Variants in NEXN observed in about 807,000 individuals in gnomAD.
The protein encoded by NEXN is nexilin.
Under a neutral mutation model 92.6 loss-of-function variants are expected in NEXN, and 65 were observed. The observed-to-expected ratio is 0.70, with a 90% CI of 0.57 to 0.86. The LOEUF is 0.86. NEXN is among the 40% of genes least tolerant of loss of function. NEXN has a pLI of 0.00. For missense variants in NEXN, 778 were observed against 771.1 expected, an observed-to-expected ratio of 1.01 and a Z score of -0.11; for synonymous variants, 254 against 242.5, an observed-to-expected ratio of 1.05 and a Z score of -0.44.
intron 2 of NEXN, 133 bp from the exon 3 acceptor site, chr1:77,917,433 A>G (rs1175735608): frequency 4.3e-6 from 3 of 701,084 alleles, no homozygotes; most frequent in Non-Finnish European, 7.3e-6. Context: ...TGATGGTCAA[A>G]TAAAGGGTTC....
At chr1:77,940,810 A>T (rs191005556) in intron 11 of NEXN, among the ~76,000 whole-genome samples, 78 of 152,108 alleles carry the variant, frequency 5.1e-4, no homozygotes, top group African/African-American at 1.2e-3. Context: ...ATAATTTTTT[A>T]AAAAATGCTG....
chr1:77,929,375 T>G lies in NEXN; in HGVS notation c.924T>G (p.Gly308=). Residue 308 remains glycine, a synonymous_variant, in exon 9 of 13, where the codon GGT becomes GGG. Transcript: ENST00000334785. ...TAKIFKGYRP[G]KLKLSFEEME... ...AAATTTTTAAAGGGTACCGCCCTGG[T>G]AAACTCAAACTCAGTTTTGAAGAAA... The G allele has an allele frequency of 3.7e-6, 6 of 1,613,810 alleles. No homozygotes were observed. The highest frequency in any genetic ancestry group is 5.1e-6 in the Non-Finnish European group (6 of 1,179,930).
chr1:77,901,353 T>C (rs907390968), intron 1 of NEXN, among the ~76,000 whole-genome samples: 5 of 152,228 alleles, frequency 3.3e-5, no homozygotes, highest in African/African-American at 1.2e-4. Flanking sequence ...TAATTATTTT[T>C]ATGTTTATAA....
In NEXN at chr1:77,926,552, A is replaced by G. The variant is rs1314006959; in HGVS notation, c.628A>G (p.Ile210Val). The change falls in exon 7 of 13, where the codon ATA (isoleucine) becomes GTA (valine). Residue 210 changes from isoleucine to valine, a missense_variant. By Grantham distance (29) the Ile-to-Val change is conservative. This residue lies in a region of NEXN where 236 missense variants were observed against 265.6 expected (regional missense o/e 0.89). Coordinates refer to ENST00000334785, the MANE Select transcript of NEXN (RefSeq NM_144573.4). ...GATCAAGTACGAGGAAGATAAAAGA[A>G]TAAGATATGAAGAACAACGACCATC... ...ERIKYEEDKR[I>V]RYEEQRPSLK... 4.3e-6 allele frequency: 7 copies of G among 1,613,938 alleles called. No homozygotes were observed. The highest frequency in any genetic ancestry group is 1.7e-4 in the Middle Eastern group (1 of 6,058).
At position 77,933,482 on chromosome 1, in the gene NEXN, A is replaced by C. The variant is rs1471710159; in HGVS notation, c.1251+3A>C. 6.3e-7 allele frequency: 1 copy of C among 1,580,414 alleles called. No homozygotes were observed. Among genetic ancestry groups the C allele is most frequent in the Non-Finnish European group, 8.7e-7 (1 of 1,150,222 alleles). The stretch of plus-strand genomic sequence containing the variant: ...AACTGAGACAGGAAATGGGAGAGGT[A>C]AGATTTTAAGAAATATCTATATTCC... On this transcript the variant is annotated splice_donor_region_variant and intron_variant, in intron 10 of 12. Coordinates refer to ENST00000334785, the MANE Select transcript of NEXN (RefSeq NM_144573.4).
At chr1:77,933,571 C>A in intron 10 of NEXN, 92 bp downstream of exon 10, 1 of 978,468 alleles carries the variant, frequency 1.0e-6, no homozygotes, top group Non-Finnish European at 1.6e-6. Flanking sequence ...TTATTATTCA[C>A]CTTTAGGATA....
intron 11 of NEXN, among the ~76,000 whole-genome samples, chr1:77,938,659 T>C (rs1240032575): frequency 6.6e-6 from 1 of 151,820 alleles, no homozygotes; most frequent in Non-Finnish European, 1.5e-5. Flanking sequence ...CTAAGTACTA[T>C]AATAGAAGTT....
chr1:77,942,538 A>G lies in NEXN; in HGVS notation c.1737A>G (p.Ser579=), dbSNP rs923139433. The G allele has an allele frequency of 2.5e-6, 4 of 1,613,804 alleles. No homozygotes were observed. The highest frequency in any genetic ancestry group is 2.5e-6 in the Non-Finnish European group (3 of 1,179,710). ...STAEDEEQTR[S]GAPWFKKPLK... is the part of the protein sequence containing the mutation. ...CTGAAGATGAAGAGCAAACCAGATCAGGAGCTCCATGGTTCAAGAAGCCTC... is the reference window on the plus strand; with the variant it reads ...CTGAAGATGAAGAGCAAACCAGATCGGGAGCTCCATGGTTCAAGAAGCCTC... The change falls in exon 13 of 13, where the codon TCA becomes TCG. Residue 579 remains serine (S), a synonymous_variant. Transcript: ENST00000334785.
At chr1:77,941,955 T>C in intron 11 of NEXN, 68 bp from the exon 12 acceptor site, 1 of 1,479,912 alleles carries the variant, frequency 6.8e-7, no homozygotes, top group Admixed American at 1.9e-5. Context: ...TAAACACCTT[T>C]AGAACTAGTA....
intron 5 of NEXN, 68 bp downstream of exon 5, chr1:77,918,341 G>GT: frequency 6.7e-7 from 1 of 1,485,844 alleles, no homozygotes; most frequent in Non-Finnish European, 9.4e-7. Context: ...TAATCAGTAT[G>GT]TTGCCTAATT....
At chr1:77,907,942 T>A (rs1410177342) in intron 1 of NEXN, among the ~76,000 whole-genome samples, 1 of 152,118 alleles carries the variant, frequency 6.6e-6, no homozygotes, top group East Asian at 1.9e-4. Flanking sequence ...CCCTTTAGTA[T>A]TACTCTAAAA....
chr1:77,891,681 G>T (rs772082899), intron 1 of NEXN, among the ~76,000 whole-genome samples: 11 of 148,174 alleles, frequency 7.4e-5, no homozygotes, highest in Non-Finnish European at 1.5e-4. Flanking sequence ...TAAGGCTATG[G>T]CAGTCAAAAA....
In NEXN at chr1:77,923,994, TGAG is replaced by T. The variant is rs374168252; in HGVS notation, c.448-1190_448-1188del. ...CCTGGCCAAGCTCTCACTTTTTAAA[TGAG>T]GAGCTTTCCTACTTAGACCTCGTCA... On this transcript the variant is annotated intron_variant, in intron 5 of 12. Coordinates refer to ENST00000334785, the MANE Select transcript of NEXN (RefSeq NM_144573.4). 1.8e-3 allele frequency among the ~76,000 whole-genome samples: 271 copies of T among 152,250 alleles called. 4 individuals are homozygous for T. The Middle Eastern group carries it at 0.02, about 11-fold the overall frequency.
intron 1 of NEXN, among the ~76,000 whole-genome samples, chr1:77,904,183 G>A (rs1457579677): frequency 3.9e-5 from 6 of 151,926 alleles, no homozygotes; most frequent in Non-Finnish European, 7.4e-5. Flanking sequence ...AGTAGGGATG[G>A]TGTTTCACCA....
chr1:77,919,222 A>G (rs1649227869), intron 5 of NEXN, among the ~76,000 whole-genome samples: 1 of 152,196 alleles, frequency 6.6e-6, no homozygotes, highest in Non-Finnish European at 1.5e-5. Context: ...CATCCCCATG[A>G]TTCAAATTAT....
chr1:77,935,723 C>A, intron 10 of NEXN, 100 bp from the exon 11 acceptor site: 1 of 1,013,508 alleles, frequency 9.9e-7, no homozygotes, highest in Non-Finnish European at 1.5e-6. Flanking sequence ...GAAGCTGAGG[C>A]AGGAGGATTG....
chr1:77,931,060 T>C (rs538399450), intron 9 of NEXN, among the ~76,000 whole-genome samples: 1 of 152,184 alleles, frequency 6.6e-6, no homozygotes, highest in South Asian at 2.1e-4. Context: ...ACGTTGTGAA[T>C]GCACTTAATT....
In NEXN at chr1:77,926,845, C is replaced by T. The variant is rs757571525; in HGVS notation, c.817C>T (p.Arg273Cys). 1.5e-5 allele frequency: 24 copies of T among 1,613,734 alleles called. No homozygotes were observed. The highest frequency in any genetic ancestry group is 1.6e-4 in the Middle Eastern group (1 of 6,082). Reference sequence around the variant, plus strand: ...GCAAGCTGAAGAGGAAGCAAGAAAACGTTTAGAAGAAGAGAAGCGTGCTTT... The same window carrying T: ...GCAAGCTGAAGAGGAAGCAAGAAAATGTTTAGAAGAAGAGAAGCGTGCTTT... The part of the protein sequence containing the change: ...KKQAEEEARK[R>C]LEEEKRAFEE... Residue 273 changes from arginine to cysteine, a missense_variant, in exon 8 of 13, where the codon CGT becomes TGT. Physicochemically the swap from Arg to Cys is radical, Grantham distance 180. Around this residue, in one of 3 missense-constraint regions of NEXN, gnomAD observed 532 missense variants for 476.7 expected, o/e 1.12. Coordinates refer to ENST00000334785, the MANE Select transcript of NEXN (RefSeq NM_144573.4).
At chr1:77,926,086 AT>A (rs1649819405) in intron 6 of NEXN, among the ~76,000 whole-genome samples, 1 of 152,114 alleles carries the variant, frequency 6.6e-6, no homozygotes, top group Admixed American at 6.6e-5. Context: ...TTTAGAGTAT[AT>A]TCACATGCAC....
Sources: gnomAD v4.1 joint callset for allele counts (sites outside exome capture counted in the v4.1 genomes callset) on GRCh38, gnomAD v4.1.1 for gene constraint, gnomAD v4.1.1 regional missense constraint, MANE v1.5 for transcripts, NCBI Gene and HGNC (gene_info 2026-07-23, HGNC 2026-07-21) for gene names.